Variants in MYH3 observed in about 807,000 individuals in gnomAD.
The protein encoded by MYH3 is myosin-3.
MYH3 carries 130 observed loss-of-function variants against 238.0 expected under a neutral mutation model. The ratio of observed to expected loss-of-function variants is 0.55; its 90% confidence interval spans 0.47 to 0.63. The LOEUF is 0.63. Among genes scored for constraint, MYH3 ranks in the 30% least tolerant of loss-of-function variants. The pLI, the probability that MYH3 is intolerant of heterozygous loss-of-function variation, is 0.00. For synonymous variants in MYH3, 880 were observed against 924.1 expected (o/e 0.95, Z 0.86); for missense variants, 1,853 against 2,374.9 (o/e 0.78, Z 4.57).
chr17:10,631,175 T>C (rs2074152589), intron 36 of MYH3, among the ~76,000 whole-genome samples: 1 of 152,174 alleles, frequency 6.6e-6, no homozygotes, highest in East Asian at 1.9e-4. Flanking sequence ...AGGGAAGGCC[T>C]CTGGAGAATT....
chr17:10,652,850 T>C lies in MYH3; in HGVS notation c.205-287A>G, dbSNP rs531301179. ...GTTAGCCAGGATGGTCTCGATCTCC[T>C]GACCTCGTGATCCACCCGCCTCAGC... is the stretch of plus-strand genomic sequence containing the variant. On this transcript the variant is annotated intron_variant, in intron 3 of 40. Coordinates refer to ENST00000583535, the MANE Select transcript of MYH3 (RefSeq NM_002470.4). 1.6e-3 allele frequency among the ~76,000 whole-genome samples: 245 copies of C among 152,008 alleles called. 1 individual carries two copies. Among genetic ancestry groups the C allele is most frequent in the Non-Finnish European group, 2.8e-3 (191 of 67,974 alleles).
At chr17:10,631,572 T>A (rs1180285395) in intron 36 of MYH3, 39 bp downstream of exon 36, 7 of 1,614,010 alleles carry the variant, frequency 4.3e-6, no homozygotes, top group Non-Finnish European at 5.1e-6. Context: ...TGCAATGCAA[T>A]CCCGGCAGCC....
chr17:10,665,880 A>G, the MYH3 span, among the ~76,000 whole-genome samples: 1 of 152,212 alleles, frequency 6.6e-6, no homozygotes, highest in Non-Finnish European at 1.5e-5. Context: ...CTACATAATG[A>G]AGAGGGCAGT....
At chr17:10,646,121 C>T (rs939391705) in intron 10 of MYH3, 89 bp from the exon 11 acceptor site, 3 of 1,017,812 alleles carry the variant, frequency 2.9e-6, no homozygotes, top group Non-Finnish European at 4.6e-6. Context: ...TGGGCTGGAA[C>T]TTTTACCGCT....
Position 10,653,111 on chromosome 17 carries a change from C to A in MYH3, c.205-548G>T, listed in dbSNP as rs542875457. 2.0e-5 allele frequency among the ~76,000 whole-genome samples: 3 copies of A among 152,184 alleles called. No individual in the cohort carries two copies. The South Asian group carries it at 6.2e-4, about 32-fold the overall frequency. On this transcript the variant is annotated intron_variant, in intron 3 of 40. Coordinates refer to ENST00000583535, the MANE Select transcript of MYH3 (RefSeq NM_002470.4). ...GGTGTCTTCTTCCTCCCCATTGGGC[C>A]TGAGGTGAGAGACGGATGTCGGAAA...
chr17:10,634,819 A>G (rs778871216), intron 31 of MYH3, 21 bp downstream of exon 31: 2 of 1,614,106 alleles, frequency 1.2e-6, no homozygotes, highest in Non-Finnish European at 1.7e-6. Context: ...GCATTCACCC[A>G]GCACACAGCG....
chr17:10,641,813 C>G (rs555015726), intron 17 of MYH3, among the ~76,000 whole-genome samples: 1 of 152,276 alleles, frequency 6.6e-6, no homozygotes, highest in East Asian at 1.9e-4. Flanking sequence ...TGTGCCCGGC[C>G]TAACTCAGGC....
In MYH3 at chr17:10,655,025, C is replaced by A; in HGVS notation, c.40G>T (p.Ala14Ser). The A allele has an allele frequency of 6.2e-7, 1 of 1,614,194 alleles. No homozygotes were observed. The change falls in exon 3 of 41, where the codon GCT becomes TCT. Residue 14 changes from alanine to serine, a missense_variant. Physicochemically the swap from Ala to Ser is moderately conservative, Grantham distance 99. Transcript: ENST00000583535. Reference sequence around the variant, plus strand: ...TTTTCTGACTTCCGGAGGAAAGGAGCAGCTATGCCGAACACTTCCATTTCA... The same window carrying A: ...TTTTCTGACTTCCGGAGGAAAGGAGAAGCTATGCCGAACACTTCCATTTCA... ...DTEMEVFGIA[A>S]PFLRKSEKER... is the part of the protein sequence containing the mutation.
chr17:10,675,024 T>A, the MYH3 span: 1 of 152,262 alleles, frequency 6.6e-6, no homozygotes, highest in Admixed American at 6.5e-5. Context: ...TTGCTCCTCC[T>A]CAGTGTCAGG....
chr17:10,669,870 C>T, the MYH3 span, among the ~76,000 whole-genome samples: 1 of 152,160 alleles, frequency 6.6e-6, no homozygotes, highest in Non-Finnish European at 1.5e-5. Context: ...ACGACTGCAC[C>T]ACTGCACTCC....
chr17:10,673,602 A>G, the MYH3 span: 1 of 151,442 alleles, frequency 6.6e-6, no homozygotes, highest in Non-Finnish European at 1.5e-5. Flanking sequence ...GGAAGCAGGC[A>G]GTTAGTCTCT....
chr17:10,642,357 T>C lies in MYH3; in HGVS notation c.1889-47A>G. Reference sequence around the variant, plus strand: ...ACGTGCTGTAGGTGAATCTAAAAGGTTTTTTGTTACTGTGGAACAAATGGA... The same window carrying C: ...ACGTGCTGTAGGTGAATCTAAAAGGCTTTTTGTTACTGTGGAACAAATGGA... On this transcript the variant is annotated intron_variant, in intron 16 of 40. Transcript: ENST00000583535. The surrounding 1 kb of genome is among the most constrained non-coding windows in gnomAD (Gnocchi z 5.4). 2 of 1,613,682 alleles carry C rather than the reference T, an allele frequency of 1.2e-6. No individual in the cohort carries two copies. The highest frequency in any genetic ancestry group is 2.2e-5 in the East Asian group (1 of 44,878).
intron 4 of MYH3, 141 bp downstream of exon 4, chr17:10,652,279 T>G (rs769198994): frequency 2.7e-6 from 3 of 1,092,022 alleles, no homozygotes; most frequent in Non-Finnish European, 4.1e-6. Flanking sequence ...GCCTTCTTTC[T>G]CCTCCGTCTT....
chr17:10,671,825 C>T, the MYH3 span, among the ~76,000 whole-genome samples: 2 of 152,008 alleles, frequency 1.3e-5, no homozygotes, highest in African/African-American at 4.8e-5. Context: ...GTGATCCGCC[C>T]GCCTCAGCCT....
chr17:10,675,901 A>G, the MYH3 span: 1 of 152,164 alleles, frequency 6.6e-6, no homozygotes, highest in Non-Finnish European at 1.5e-5. Flanking sequence ...ACATGGACAA[A>G]GTCACATGTA....
chr17:10,629,571 G>C (rs2074131434), intron 40 of MYH3, 26 bp downstream of exon 40: 2 of 1,612,310 alleles, frequency 1.2e-6, no homozygotes, highest in Non-Finnish European at 1.7e-6. Context: ...CCCTGGGGGG[G>C]GGCTCCTCCC....
rs762672002 is a variant in MYH3, at chr17:10,641,375, A to G, written c.1960-3T>C. The G allele has an allele frequency of 1.8e-5, 27 of 1,535,938 alleles. 1 individual carries two copies. The Admixed American group carries it at 4.8e-4, about 27-fold the overall frequency. Reference sequence around the variant, plus strand: ...GACATCAGCTTGTTCAGGTTTTCCTAAGAGAAAAAAAAAATGACATTTGCC... The same window carrying G: ...GACATCAGCTTGTTCAGGTTTTCCTGAGAGAAAAAAAAAATGACATTTGCC... On this transcript the variant is annotated splice_region_variant and splice_polypyrimidine_tract_variant and intron_variant, in intron 17 of 40. Coordinates refer to ENST00000583535, the MANE Select transcript of MYH3 (RefSeq NM_002470.4).
chr17:10,650,984 T>G (rs890492212), intron 5 of MYH3, among the ~76,000 whole-genome samples: 2 of 152,048 alleles, frequency 1.3e-5, no homozygotes, highest in African/African-American at 4.8e-5. Flanking sequence ...GTCAGGAGTT[T>G]GAGACCAGCC....
chr17:10,631,886 G>A lies in MYH3; in HGVS notation c.5087C>T (p.Thr1696Met), dbSNP rs564468476. 65 of 1,614,108 alleles carry A rather than the reference G, an allele frequency of 4.0e-5. 4 individuals carry two copies. In the South Asian group the frequency reaches 4.9e-4, roughly 12 times the overall value. ...VEELRATLEQ[T>M]ERARKLAEQE... ...TTCCGCCAGTTTCCGGGCCCTCTCC[G>A]TCTGCTCCAGAGTAGCCCGCAGCTC... The change falls in exon 35 of 41, where the codon ACG becomes ATG. Residue 1696 changes from threonine (T) to methionine (M), a missense_variant. Thr to Met is a moderately conservative substitution (Grantham distance 81). Around this residue, in one of 3 missense-constraint regions of MYH3, gnomAD observed 1,044 missense variants for 1,192.6 expected, o/e 0.88. Transcript: ENST00000583535.
Sources: allele counts gnomAD v4.1 joint callset (sites outside exome capture counted in the v4.1 genomes callset), GRCh38; gene constraint gnomAD v4.1.1; regional missense constraint gnomAD v4.1.1; non-coding constraint Gnocchi (gnomAD v3.1); transcripts MANE v1.5; gene names NCBI Gene and HGNC (gene_info 2026-07-23, HGNC 2026-07-21).